PARN: variants seen among roughly 807,000 people sequenced by gnomAD.
PARN encodes poly(A)-specific ribonuclease PARN.
PARN carries 71 observed loss-of-function variants against 102.8 expected under a neutral mutation model. The observed-to-expected ratio is 0.69, with a 90% CI of 0.57 to 0.84. The LOEUF is 0.84. PARN is among the 40% of genes least tolerant of loss of function. The pLI, the probability that PARN is intolerant of heterozygous loss-of-function variation, is 0.00. For missense variants in PARN, 782 were observed against 760.9 expected, an observed-to-expected ratio of 1.03 and a Z score of -0.33; for synonymous variants, 261 against 252.9, an observed-to-expected ratio of 1.03 and a Z score of -0.30.
At chr16:14,542,321 C>G (rs954045691) in intron 21 of PARN, among the ~76,000 whole-genome samples, 12 of 142,730 alleles carry the variant, frequency 8.4e-5, no homozygotes, top group Non-Finnish European at 1.8e-4. Context: ...TTTTTTTCTT[C>G]TTTTTTTAAC....
At chr16:14,628,145 A>C in intron 3 of PARN, 27 bp downstream of exon 3, 1 of 1,327,636 alleles carries the variant, frequency 7.5e-7, no homozygotes, top group Non-Finnish European at 1.1e-6. Context: ...ATGAGAAAGA[A>C]AAAGATTTCC....
At chr16:14,629,695 G>A (rs1274793512) in intron 1 of PARN, 21 bp from the exon 2 acceptor site, 2 of 1,576,348 alleles carry the variant, frequency 1.3e-6, no homozygotes, top group South Asian at 2.2e-5. Context: ...ACCGAAAAGA[G>A]GCTCAGAACC....
At chr16:14,597,297 T>C (rs1970581835) in intron 12 of PARN, among the ~76,000 whole-genome samples, 1 of 152,210 alleles carries the variant, frequency 6.6e-6, no homozygotes. Flanking sequence ...AGTTAAACTA[T>C]ATAGTTAATT....
chr16:14,589,670 G>A (rs916798901), intron 13 of PARN, among the ~76,000 whole-genome samples: 5 of 151,694 alleles, frequency 3.3e-5, no homozygotes, highest in African/African-American at 4.8e-5. Context: ...ATTCGAGACC[G>A]GCCTGGCCAA....
intron 21 of PARN, among the ~76,000 whole-genome samples, chr16:14,510,942 G>A (rs1965153929): frequency 6.6e-6 from 1 of 152,172 alleles, no homozygotes; most frequent in South Asian, 2.1e-4. Context: ...GAAAAAAACT[G>A]AGCCACAGAG....
At chr16:14,579,257 T>C (rs1247678233) in intron 18 of PARN, among the ~76,000 whole-genome samples, 3 of 152,216 alleles carry the variant, frequency 2.0e-5, no homozygotes, top group Non-Finnish European at 2.9e-5. Context: ...CGTAAGCCAC[T>C]ATACCCAGCC....
intron 13 of PARN, 113 bp downstream of exon 13, chr16:14,593,188 T>C (rs1458478062): frequency 3.2e-6 from 2 of 626,964 alleles, no homozygotes; most frequent in Admixed American, 5.8e-5. Flanking sequence ...ACATGCTGCA[T>C]ACAAGGAAAT....
intron 6 of PARN, among the ~76,000 whole-genome samples, chr16:14,616,830 T>A (rs978232583): frequency 6.6e-6 from 1 of 152,214 alleles, no homozygotes; most frequent in South Asian, 2.1e-4. Flanking sequence ...ATGCACTAGC[T>A]GGAAAAGAGG....
intron 22 of PARN, among the ~76,000 whole-genome samples, chr16:14,454,407 A>G (rs1961593174): frequency 6.6e-6 from 1 of 152,226 alleles, no homozygotes. Flanking sequence ...AGAATATTTA[A>G]TTTTGACTAA....
intron 21 of PARN, among the ~76,000 whole-genome samples, chr16:14,487,094 G>A (rs555120380): frequency 1.3e-5 from 2 of 152,342 alleles, no homozygotes; most frequent in African/African-American, 2.4e-5. Flanking sequence ...GGAAGTCTTC[G>A]CCGGAGGATC....
At chr16:14,575,089 T>C (rs185641750) in intron 18 of PARN, among the ~76,000 whole-genome samples, 1 of 152,304 alleles carries the variant, frequency 6.6e-6, no homozygotes, top group African/African-American at 2.4e-5. Flanking sequence ...TGTATGGACA[T>C]GCCTGGATGC....
At chr16:14,612,926 C>T (rs1253321306) in intron 6 of PARN, among the ~76,000 whole-genome samples, 1 of 149,592 alleles carries the variant, frequency 6.7e-6, no homozygotes, top group Non-Finnish European at 1.5e-5. Flanking sequence ...TAAGGGAATA[C>T]ACAAATTAAA....
At chr16:14,446,105 G>C (rs185542815) in intron 23 of PARN, among the ~76,000 whole-genome samples, 1 of 152,232 alleles carries the variant, frequency 6.6e-6, no homozygotes, top group African/African-American at 2.4e-5. Context: ...CCCTGCAGCA[G>C]GGAATGGCCT....
chr16:14,525,748 T>C (rs1421670630), intron 21 of PARN, among the ~76,000 whole-genome samples: 2 of 152,210 alleles, frequency 1.3e-5, no homozygotes, highest in African/African-American at 4.8e-5. Flanking sequence ...GAAAAGACTA[T>C]ACTGTTATTT....
At chr16:14,615,796 G>A (rs1027642229) in intron 6 of PARN, among the ~76,000 whole-genome samples, 2 of 152,030 alleles carry the variant, frequency 1.3e-5, no homozygotes, top group South Asian at 4.2e-4. Flanking sequence ...AGCTACTCGG[G>A]AGGCTGAGGC....
intron 21 of PARN, among the ~76,000 whole-genome samples, chr16:14,546,226 C>T (rs1340290311): frequency 6.6e-6 from 1 of 152,170 alleles, no homozygotes; most frequent in Non-Finnish European, 1.5e-5. Flanking sequence ...GAACAATCAT[C>T]CTGAAAGAGT....
intron 23 of PARN, among the ~76,000 whole-genome samples, chr16:14,443,636 G>C (rs1470272364): frequency 6.6e-6 from 1 of 152,202 alleles, no homozygotes; most frequent in Non-Finnish European, 1.5e-5. Flanking sequence ...ACTGTACCCG[G>C]TAAGATTAAA....
intron 21 of PARN, among the ~76,000 whole-genome samples, chr16:14,513,918 G>A (rs1435227679): frequency 1.3e-5 from 2 of 152,098 alleles, no homozygotes; most frequent in Non-Finnish European, 2.9e-5. Flanking sequence ...ATGAGGGCAG[G>A]GCATCTGTTT....
At chr16:14,577,737 G>A (rs899469228) in intron 18 of PARN, among the ~76,000 whole-genome samples, 3 of 151,530 alleles carry the variant, frequency 2.0e-5, no homozygotes, top group Admixed American at 6.6e-5. Context: ...GCGCAATCTC[G>A]GCTCACTGCA....
Sources: allele counts gnomAD v4.1 joint callset (sites outside exome capture counted in the v4.1 genomes callset), GRCh38; gene constraint gnomAD v4.1.1; transcripts MANE v1.5; gene names NCBI Gene and HGNC (gene_info 2026-07-23, HGNC 2026-07-21).